The following ADGRB3 variants were observed in gnomAD, a reference collection of about 807,000 sequenced individuals.
ADGRB3 encodes the protein adhesion G protein-coupled receptor B3.
Under a neutral mutation model 193.4 loss-of-function variants are expected in ADGRB3, and 37 were observed. That is an observed-to-expected ratio of 0.19 (90% CI 0.15 to 0.25). ADGRB3 has a LOEUF of 0.25. Among genes scored for constraint, ADGRB3 ranks in the 10% least tolerant of loss-of-function variants. ADGRB3 has a pLI of 1.00. For missense variants in ADGRB3, 1,637 were observed against 1,852.9 expected, an observed-to-expected ratio of 0.88 and a Z score of 2.14; for synonymous variants, 690 against 644.2, an observed-to-expected ratio of 1.07 and a Z score of -1.08.
At chr6:69,369,539 A>G (rs576041962) in intron 29 of ADGRB3, among the ~76,000 whole-genome samples, 1 of 152,142 alleles carries the variant, frequency 6.6e-6, no homozygotes, top group Non-Finnish European at 1.5e-5. Flanking sequence ...CTCTACAAAA[A>G]ATGCAAAACT....
intron 3 of ADGRB3, among the ~76,000 whole-genome samples, chr6:68,894,269 A>G (rs1020543929): frequency 6.6e-6 from 1 of 151,922 alleles, no homozygotes; most frequent in Non-Finnish European, 1.5e-5. Context: ...ACATTTAGAA[A>G]AAGCAAAATG....
At chr6:69,172,124 G>T (rs1036208984) in intron 17 of ADGRB3, among the ~76,000 whole-genome samples, 2 of 152,156 alleles carry the variant, frequency 1.3e-5, no homozygotes, top group Non-Finnish European at 2.9e-5. Context: ...GATCATGGGG[G>T]CTATCATATG....
chr6:69,307,954 T>C (rs1052286526), intron 20 of ADGRB3, among the ~76,000 whole-genome samples: 4 of 151,556 alleles, frequency 2.6e-5, no homozygotes, highest in African/African-American at 9.7e-5. Flanking sequence ...GACAATGTTA[T>C]ACCTAGACAA....
At chr6:69,153,915 CCCGGGAGGCAGAGCCTGCA>C (rs1561936297) in intron 17 of ADGRB3, among the ~76,000 whole-genome samples, 2 of 152,060 alleles carry the variant, frequency 1.3e-5, no homozygotes, top group Non-Finnish European at 2.9e-5. Flanking sequence ...ATGGTGTGAA[CCCGGGAGGCAGAGCCTGCA>C]GTGAGCCGAG....
In ADGRB3 at chr6:69,367,576, G is replaced by C. The variant is rs557230876; in HGVS notation, c.4240-4830G>C. On this transcript the variant is annotated intron_variant, in intron 29 of 31. Transcript: ENST00000370598. ...CATTCTAACTGGTGTGAGATGGTATGTGATTGTGGTTTTGATTTGCATTTC... is the reference window on the plus strand; with the variant it reads ...CATTCTAACTGGTGTGAGATGGTATCTGATTGTGGTTTTGATTTGCATTTC... Among the ~76,000 whole-genome samples the C allele has an allele frequency of 2.2e-4, 34 of 151,944 alleles. No individual in the cohort carries two copies. The East Asian group carries it at 4.9e-3, about 22-fold the overall frequency.
At chr6:69,137,078 A>ATTTTTTTTTTTTTTG (rs1193270145) in intron 17 of ADGRB3, among the ~76,000 whole-genome samples, 49 of 121,380 alleles carry the variant, frequency 4.0e-4, no homozygotes, top group Non-Finnish European at 5.5e-4. Flanking sequence ...TTTTTTTTTA[A>ATTTTTTTTTTTTTTG]TGGTAAGATC....
chr6:68,642,137 G>T (rs1042588998), intron 3 of ADGRB3, among the ~76,000 whole-genome samples: 48 of 152,050 alleles, frequency 3.2e-4, no homozygotes. Flanking sequence ...ACTCTCCTTT[G>T]ACTCCCATTT....
At position 69,186,012 on chromosome 6, in the gene ADGRB3, G is replaced by A. The variant is rs190818103; in HGVS notation, c.2481-47278G>A. Among the ~76,000 whole-genome samples, 154 of 152,118 alleles carry A rather than the reference G, an allele frequency of 1.0e-3. No individual in the cohort carries two copies. The Middle Eastern group carries it at 0.01, about 10-fold the overall frequency. ...TTAGATTTGAAAACACACAGAGCAT[G>A]CATGTGTGTGCATTTGTGGGAGCAG... On this transcript the variant is annotated intron_variant, in intron 17 of 31. Coordinates refer to ENST00000370598, the MANE Select transcript of ADGRB3 (RefSeq NM_001704.3).
rs115087475 is a variant in ADGRB3, at chr6:68,850,987, G to A, written c.758-79572G>A. Among the ~76,000 whole-genome samples, 248 of 152,000 alleles carry A rather than the reference G, an allele frequency of 1.6e-3. 3 individuals are homozygous for A. The highest frequency in any genetic ancestry group is 5.8e-3 in the African/African-American group (239 of 41,524). On this transcript the variant is annotated intron_variant, in intron 3 of 31. Transcript: ENST00000370598. Reference sequence around the variant, plus strand: ...TTTGAAGAATTTACATTCTCAATGTGTTATTTAATAATATGAAATAATTGT... The same window carrying A: ...TTTGAAGAATTTACATTCTCAATGTATTATTTAATAATATGAAATAATTGT...
chr6:69,193,911 A>T (rs1765248511), intron 17 of ADGRB3, among the ~76,000 whole-genome samples: 1 of 152,094 alleles, frequency 6.6e-6, no homozygotes, highest in Admixed American at 6.6e-5. Flanking sequence ...AGGGCAAAAA[A>T]GTGAAGCTCT....
intron 11 of ADGRB3, among the ~76,000 whole-genome samples, chr6:68,995,900 T>G (rs895566769): frequency 2.6e-5 from 4 of 152,164 alleles, no homozygotes; most frequent in Admixed American, 6.5e-5. Context: ...TTCAAAGAAT[T>G]TTTATCTCTT....
chr6:69,120,029 C>G (rs1773640318), intron 17 of ADGRB3, among the ~76,000 whole-genome samples: 1 of 152,058 alleles, frequency 6.6e-6, no homozygotes, highest in African/African-American at 2.4e-5. Context: ...TTCCAAAGAT[C>G]ATTTGAAAAA....
intron 11 of ADGRB3, among the ~76,000 whole-genome samples, chr6:69,011,926 G>A (rs2150284389): frequency 6.6e-6 from 1 of 152,134 alleles, no homozygotes; most frequent in Admixed American, 6.6e-5. Context: ...ACTTTATTCT[G>A]TACTGCCTTC....
intron 20 of ADGRB3, among the ~76,000 whole-genome samples, chr6:69,301,865 A>G (rs1268222249): frequency 6.6e-6 from 1 of 152,004 alleles, no homozygotes; most frequent in African/African-American, 2.4e-5. Flanking sequence ...CTATAAGGAA[A>G]GCACATCTAT....
intron 3 of ADGRB3, among the ~76,000 whole-genome samples, chr6:68,676,566 G>T (rs1374707062): frequency 6.6e-6 from 1 of 152,090 alleles, no homozygotes; most frequent in Non-Finnish European, 1.5e-5. Flanking sequence ...GAGAACTGCT[G>T]TTTAAGCGAC....
At chr6:68,779,984 A>G (rs1339101027) in intron 3 of ADGRB3, among the ~76,000 whole-genome samples, 2 of 152,102 alleles carry the variant, frequency 1.3e-5, no homozygotes, top group Admixed American at 6.6e-5. Flanking sequence ...TTTCAGCTTG[A>G]AGAATTCCAT....
rs3799079 is a variant in ADGRB3 at position 69,294,548 on chromosome 6, A to G, written c.2815-30324A>G. On this transcript the variant is annotated intron_variant, in intron 20 of 31. Transcript: ENST00000370598. ...AGCTGCAGCCTTTGGGTTCTCTACAATTCGCTCCGACACTTCCCACATTGA... is the reference window on the plus strand; with the variant it reads ...AGCTGCAGCCTTTGGGTTCTCTACAGTTCGCTCCGACACTTCCCACATTGA... Among the ~76,000 whole-genome samples, 49 of 152,172 alleles carry G rather than the reference A, an allele frequency of 3.2e-4. No individual in the cohort carries two copies. In the East Asian group the frequency reaches 8.1e-3, roughly 25 times the overall value.
At chr6:69,381,968 A>G (rs554803231) in intron 30 of ADGRB3, among the ~76,000 whole-genome samples, 6 of 152,032 alleles carry the variant, frequency 3.9e-5, no homozygotes, top group African/African-American at 1.4e-4. Flanking sequence ...TAACAATTAC[A>G]AATACAGGGC....
intron 17 of ADGRB3, among the ~76,000 whole-genome samples, chr6:69,103,761 GTTA>G (rs1443477992): frequency 1.3e-5 from 2 of 150,176 alleles, no homozygotes; most frequent in Non-Finnish European, 3.0e-5. Context: ...AAATATATTT[GTTA>G]TTATATTCAT....
Sources: allele counts gnomAD v4.1 joint callset (sites outside exome capture counted in the v4.1 genomes callset), GRCh38; gene constraint gnomAD v4.1.1; transcripts MANE v1.5; gene names NCBI Gene and HGNC (gene_info 2026-07-23, HGNC 2026-07-21).